Variants in MAP3K15 observed in about 807,000 individuals in gnomAD.
MAP3K15 encodes MAPK/ERK kinase kinase 15.
A neutral mutation model predicts 99.5 loss-of-function variants in MAP3K15; 124 were observed. The observed-to-expected ratio is 1.25, with a 90% CI of 1.08 to 1.45. MAP3K15 has a LOEUF of 1.45. Among genes scored for constraint, MAP3K15 ranks in the 40% most tolerant of loss-of-function variants. The pLI, the probability that MAP3K15 is intolerant of heterozygous loss-of-function variation, is 0.00. For missense variants in MAP3K15, 1,242 were observed against 1,079.7 expected (o/e 1.15, Z -2.11); for synonymous variants, 494 against 439.6 (o/e 1.12, Z -1.55).
intron 1 of MAP3K15, among the ~76,000 whole-genome samples, chrX:19,500,219 C>T (rs2064432169): frequency 9.0e-6 from 1 of 111,316 alleles, no homozygotes; most frequent in Admixed American, 9.6e-5. Flanking sequence ...TGCACTCCAG[C>T]CTGGGTGACA....
Position 19,425,643 on chromosome X carries a change from T to C in MAP3K15, c.1327A>G (p.Met443Val), listed in dbSNP as rs1431229792. The C allele has an allele frequency of 8.3e-7, 1 of 1,199,492 alleles. No homozygotes were observed. Among genetic ancestry groups the C allele is most frequent in the East Asian group, 3.0e-5 (1 of 33,820 alleles). Residue 443 changes from methionine (M) to valine (V), a missense_variant, in exon 9 of 29, where the codon ATG (methionine) becomes GTG (valine). Coordinates refer to ENST00000338883, the MANE Select transcript of MAP3K15 (RefSeq NM_001001671.4). ...LLGRKGSLEK[M>V]NNYWDVGQFF... ...TGACCCACATCCCAGTAATTGTTCA[T>C]TTTCTCCAAGCTCCCTTTTCTTCCC...
At chrX:19,405,519 C>G (rs2063641811) in intron 13 of MAP3K15, among the ~76,000 whole-genome samples, 1 of 112,273 alleles carries the variant, frequency 8.9e-6, no homozygotes. Flanking sequence ...CGTGACAACT[C>G]AATGCAACAT....
intron 1 of MAP3K15, among the ~76,000 whole-genome samples, chrX:19,505,190 CTCAT>C (rs1160909310): frequency 4.6e-5 from 5 of 107,656 alleles, no homozygotes; most frequent in African/African-American, 1.8e-4. Flanking sequence ...GTCCAAGCAT[CTCAT>C]TTCTATTTTC....
chrX:19,435,232 C>CT (rs762215032), intron 6 of MAP3K15, among the ~76,000 whole-genome samples: 4,588 of 99,228 alleles, frequency 0.046, 271 homozygotes, highest in African/African-American at 0.15. Flanking sequence ...CACTTGAATG[C>CT]TTTTTTTTTT....
intron 1 of MAP3K15, among the ~76,000 whole-genome samples, chrX:19,493,800 G>T (rs761515939): frequency 9.0e-6 from 1 of 110,997 alleles, no homozygotes; most frequent in African/African-American, 3.3e-5. Context: ...GCCCAAGGTC[G>T]CTCAAGTACA....
chrX:19,360,861 A>C lies in MAP3K15; in HGVS notation c.3858-28T>G, dbSNP rs369499936. On this transcript the variant is annotated intron_variant, in intron 28 of 28. Transcript: ENST00000338883. ...GGGAAACAAACACAGCTGTCTTCAG[A>C]GTCAGTGCTTCAAGCCAACAGAGCT... is the stretch of plus-strand genomic sequence containing the variant. 3,790 of 1,105,890 alleles carry C rather than the reference A, an allele frequency of 3.4e-3. 10 individuals carry two copies. Among genetic ancestry groups the C allele is most frequent in the Admixed American group, 6.9e-3 (260 of 37,839 alleles). The allele number at this position is 1,105,890 out of a possible 1,213,427, so 91.1% of individuals were successfully genotyped here.
chrX:19,410,313 C>T (rs2063677938), intron 11 of MAP3K15, among the ~76,000 whole-genome samples: 1 of 112,641 alleles, frequency 8.9e-6, no homozygotes, highest in African/African-American at 3.2e-5. Context: ...GACTAGCCCA[C>T]CTAAGTTGAG....
At chrX:19,503,065 G>T (rs1400130953) in intron 1 of MAP3K15, among the ~76,000 whole-genome samples, 2 of 111,413 alleles carry the variant, frequency 1.8e-5, no homozygotes, top group Non-Finnish European at 3.8e-5. Flanking sequence ...CATATAGAGA[G>T]AAGCGGGCAA....
chrX:19,486,566 T>C, intron 2 of MAP3K15, 61 bp from the exon 3 acceptor site: 2 of 551,584 alleles, frequency 3.6e-6, no homozygotes, highest in Non-Finnish European at 5.3e-6. Context: ...TCCATAAGCA[T>C]TAGCCAGCAC....
intron 1 of MAP3K15, among the ~76,000 whole-genome samples, chrX:19,503,365 G>A (rs1196018035): frequency 7.1e-5 from 8 of 112,029 alleles, no homozygotes; most frequent in Non-Finnish European, 1.3e-4. Context: ...ATCTCCCACA[G>A]GTCCATCTTC....
chrX:19,513,835 G>T (rs751011708), intron 1 of MAP3K15, among the ~76,000 whole-genome samples: 2 of 110,976 alleles, frequency 1.8e-5, no homozygotes, highest in Non-Finnish European at 3.8e-5. Flanking sequence ...CAAAGGTGCT[G>T]TAAGGGAAAA....
intron 19 of MAP3K15, among the ~76,000 whole-genome samples, chrX:19,377,800 G>T (rs2063430138): frequency 8.9e-6 from 1 of 111,868 alleles, no homozygotes; most frequent in South Asian, 3.7e-4. Context: ...GCCCCAACAG[G>T]GTCCACCGCA....
chrX:19,391,854 G>A (rs1485577517), intron 18 of MAP3K15, 148 bp downstream of exon 18: 2 of 421,319 alleles, frequency 4.7e-6, no homozygotes, highest in South Asian at 3.6e-5. Context: ...ACAATTTGAA[G>A]TTGGGGACAA....
chrX:19,372,629 C>T (rs757091818), intron 22 of MAP3K15, 24 bp downstream of exon 22: 9 of 1,182,124 alleles, frequency 7.6e-6, no homozygotes, highest in African/African-American at 7.1e-5. Flanking sequence ...CGGGAAGAGT[C>T]GGTGCCCTCC....
intron 4 of MAP3K15, among the ~76,000 whole-genome samples, chrX:19,461,555 C>T (rs1191696596): frequency 8.9e-6 from 1 of 112,455 alleles, no homozygotes; most frequent in South Asian, 3.6e-4. Context: ...TGGTTTAAAA[C>T]CTTGAAAAAT....
intron 24 of MAP3K15, among the ~76,000 whole-genome samples, chrX:19,369,696 C>T (rs1602245906): frequency 9.0e-6 from 1 of 111,324 alleles, no homozygotes; most frequent in South Asian, 3.8e-4. Flanking sequence ...GCGGGCAGAT[C>T]ACAAGGTCAA....
chrX:19,486,957 C>T (rs1220294196), intron 2 of MAP3K15, among the ~76,000 whole-genome samples: 1 of 110,998 alleles, frequency 9.0e-6, no homozygotes, highest in Admixed American at 9.7e-5. Context: ...ATGTGAAGGC[C>T]ACACCACAGT....
intron 6 of MAP3K15, among the ~76,000 whole-genome samples, chrX:19,440,014 A>G (rs2063948326): frequency 9.0e-6 from 1 of 111,112 alleles, no homozygotes; most frequent in Admixed American, 9.6e-5. Context: ...GGATGGAAGA[A>G]GCCAGCGCAG....
chrX:19,477,432 G>A (rs951661684), intron 3 of MAP3K15, among the ~76,000 whole-genome samples: 1 of 111,594 alleles, frequency 9.0e-6, no homozygotes, highest in Non-Finnish European at 1.9e-5. Context: ...GGCTGGGCAT[G>A]GTGGCTCATG....
Sources: gnomAD v4.1 joint callset for allele counts (sites outside exome capture counted in the v4.1 genomes callset) on GRCh38, gnomAD v4.1.1 for gene constraint, MANE v1.5 for transcripts, NCBI Gene and HGNC (gene_info 2026-07-23, HGNC 2026-07-21) for gene names.